RELN: variants seen among roughly 807,000 people sequenced by gnomAD.
The protein encoded by RELN is reelin.
A neutral mutation model predicts 427.6 loss-of-function variants in RELN; 108 were observed. The observed-to-expected ratio is 0.25, with a 90% CI of 0.22 to 0.30. The LOEUF (loss-of-function observed/expected upper bound fraction) is 0.30, where lower values mean the gene tolerates loss of function less well. RELN is among the 10% of genes least tolerant of loss of function. The probability of loss-of-function intolerance (pLI) is 1.00; values close to 1 mark genes in which losing one functional copy is unlikely to be tolerated. For missense variants in RELN, 3,715 were observed against 4,302.8 expected, an observed-to-expected ratio of 0.86 and a Z score of 3.82; for synonymous variants, 1,524 against 1,513.4, an observed-to-expected ratio of 1.01 and a Z score of -0.16.
chr7:103,499,723 A>T (rs569622814), intron 53 of RELN, among the ~76,000 whole-genome samples: 12 of 152,330 alleles, frequency 7.9e-5, no homozygotes, highest in African/African-American at 2.9e-4. Flanking sequence ...CAAGTGTTAG[A>T]AGAAATGCAT....
At chr7:103,912,896 A>C (rs144004602) in intron 2 of RELN, among the ~76,000 whole-genome samples, 1 of 151,924 alleles carries the variant, frequency 6.6e-6, no homozygotes, top group South Asian at 2.1e-4. Flanking sequence ...CTGGAATTCA[A>C]AGTCAAAGAC....
chr7:103,720,364 A>C (rs1790045435), intron 8 of RELN, among the ~76,000 whole-genome samples: 1 of 152,146 alleles, frequency 6.6e-6, no homozygotes, highest in Non-Finnish European at 1.5e-5. Context: ...ATATGAAAGT[A>C]TCAACACAAT....
rs1041506836 is a variant in RELN, at chr7:103,912,482, C to G, written c.337+4593G>C. ...TACAGGCGTGACCCACTGTGCCCAG[C>G]CTTTTAAGCATTTTTTAACTTAAAT... On this transcript the variant is annotated intron_variant, in intron 2 of 64. Transcript: ENST00000428762. Among the ~76,000 whole-genome samples, 5 of 152,156 alleles carry G rather than the reference C, an allele frequency of 3.3e-5. No homozygotes were observed. In the East Asian group the frequency reaches 7.7e-4, roughly 23 times the overall value.
intron 46 of RELN, among the ~76,000 whole-genome samples, chr7:103,526,242 T>A (rs897571284): frequency 2.0e-5 from 3 of 152,206 alleles, no homozygotes; most frequent in Non-Finnish European, 2.9e-5. Flanking sequence ...ATTGTTGGAG[T>A]TGACAGCATT....
chr7:103,962,486 T>G (rs1796577547), intron 1 of RELN, among the ~76,000 whole-genome samples: 1 of 150,750 alleles, frequency 6.6e-6, no homozygotes, highest in Admixed American at 6.6e-5. Flanking sequence ...CAGAAATAGG[T>G]GCCACACACA....
chr7:103,630,442 T>C (rs1464054107), intron 19 of RELN, among the ~76,000 whole-genome samples: 1 of 152,132 alleles, frequency 6.6e-6, no homozygotes, highest in African/African-American at 2.4e-5. Context: ...TTCATCATAG[T>C]CTAGTAAAGG....
Position 103,837,835 on chromosome 7 carries a change from G to A in RELN, c.338-4163C>T, listed in dbSNP as rs1793446347. 2.0e-5 allele frequency among the ~76,000 whole-genome samples: 3 copies of A among 151,992 alleles called. No homozygotes were observed. The South Asian group carries it at 6.2e-4, about 31-fold the overall frequency. On this transcript the variant is annotated intron_variant, in intron 2 of 64. Transcript: ENST00000428762. The stretch of plus-strand genomic sequence containing the variant: ...ACCGCTTTTAATCTTTATATCCCAA[G>A]TGCCTGCCACAGTGTCTGACATATC...
intron 25 of RELN, among the ~76,000 whole-genome samples, chr7:103,595,031 T>C (rs1831506117): frequency 1.3e-5 from 2 of 152,190 alleles, no homozygotes; most frequent in South Asian, 2.1e-4. Context: ...GTGATCTACA[T>C]TTTAAAACTT....
chr7:103,941,827 T>C (rs1435618419), intron 1 of RELN, among the ~76,000 whole-genome samples: 2 of 152,086 alleles, frequency 1.3e-5, no homozygotes, highest in African/African-American at 4.8e-5. Context: ...ATTATCAGAC[T>C]GTTTCAGGGA....
rs560214756 is a variant in RELN at position 103,614,940 on chromosome 7, A to G, written c.2703-3137T>C. On this transcript the variant is annotated intron_variant, in intron 20 of 64. Transcript: ENST00000428762. ...GTCTGTTTTTTTTCACAGACTATGA[A>G]TTTCACAGACTGTGATCCTTTAACT... is the stretch of plus-strand genomic sequence containing the variant. Among the ~76,000 whole-genome samples, 8 of 152,272 alleles carry G rather than the reference A, an allele frequency of 5.3e-5. No individual in the cohort carries two copies. The South Asian group carries it at 1.7e-3, about 32-fold the overall frequency.
intron 6 of RELN, among the ~76,000 whole-genome samples, chr7:103,730,032 G>C (rs1279900224): frequency 6.6e-6 from 1 of 152,002 alleles, no homozygotes; most frequent in Admixed American, 6.6e-5. Flanking sequence ...TTTATAGTAG[G>C]CTCCTTACTT....
At chr7:103,974,766 G>C (rs1796836645) in intron 1 of RELN, among the ~76,000 whole-genome samples, 1 of 152,168 alleles carries the variant, frequency 6.6e-6, no homozygotes, top group South Asian at 2.1e-4. Flanking sequence ...TGAGTATGGA[G>C]CCAAACGATT....
chr7:103,483,957 A>G (rs1444277905), intron 61 of RELN, 107 bp from the exon 62 acceptor site: 28 of 1,108,470 alleles, frequency 2.5e-5, no homozygotes, highest in Non-Finnish European at 1.3e-6. Context: ...TCGGCTCACT[A>G]CAACGTCTGC....
intron 2 of RELN, among the ~76,000 whole-genome samples, chr7:103,869,478 A>T (rs1184411499): frequency 6.6e-6 from 1 of 152,058 alleles, no homozygotes; most frequent in Non-Finnish European, 1.5e-5. Context: ...GCTTTCACTT[A>T]TTCAAAAATA....
At chr7:103,775,564 A>C (rs941640076) in intron 4 of RELN, among the ~76,000 whole-genome samples, 3 of 152,168 alleles carry the variant, frequency 2.0e-5, no homozygotes, top group African/African-American at 7.2e-5. Flanking sequence ...AATTAATAGA[A>C]ATTTCCTTTA....
chr7:103,477,093 G>C (rs968003730), intron 64 of RELN, among the ~76,000 whole-genome samples: 4 of 152,156 alleles, frequency 2.6e-5, no homozygotes, highest in African/African-American at 9.7e-5. Flanking sequence ...AACAACAAAG[G>C]CTTCTTGGAA....
At chr7:103,814,652 C>T (rs1432056495) in intron 3 of RELN, among the ~76,000 whole-genome samples, 1 of 152,018 alleles carries the variant, frequency 6.6e-6, no homozygotes, top group East Asian at 1.9e-4. Flanking sequence ...TGGAGCTCAG[C>T]CTGCAATGCC....
At chr7:103,581,385 G>GTAAA (rs913326974) in intron 28 of RELN, among the ~76,000 whole-genome samples, 6 of 152,028 alleles carry the variant, frequency 3.9e-5, no homozygotes, top group African/African-American at 1.4e-4. Flanking sequence ...TTGGGTAAGG[G>GTAAA]TAAAGTAGAT....
At chr7:103,977,695 T>C (rs4424197) in intron 1 of RELN, among the ~76,000 whole-genome samples, 106,528 of 151,888 alleles carry the variant, frequency 0.7, 37,901 homozygotes, top group African/African-American at 0.82. Context: ...ACCACTCCCT[T>C]CTCCTTGAGA....
Sources: allele counts gnomAD v4.1 joint callset (sites outside exome capture counted in the v4.1 genomes callset), GRCh38; gene constraint gnomAD v4.1.1; transcripts MANE v1.5; gene names NCBI Gene and HGNC (gene_info 2026-07-23, HGNC 2026-07-21).